MECOM: variants seen among roughly 807,000 people sequenced by gnomAD.
MECOM encodes histone-lysine N-methyltransferase MECOM.
Under a neutral mutation model 116.3 loss-of-function variants are expected in MECOM, and 13 were observed. The ratio of observed to expected loss-of-function variants is 0.11; its 90% CI spans 0.07 to 0.18. The LOEUF (loss-of-function observed/expected upper bound fraction) is 0.18. MECOM is among the 10% of genes least tolerant of loss of function. MECOM has a pLI of 1.00. For missense variants in MECOM, 1,299 were observed against 1,509.0 expected (o/e 0.86, Z 2.31); for synonymous variants, 528 against 535.2 (o/e 0.99, Z 0.19).
At chr3:169,659,813 C>CA (rs1304989052) in intron 1 of MECOM, among the ~76,000 whole-genome samples, 1 of 151,932 alleles carries the variant, frequency 6.6e-6, no homozygotes, top group Non-Finnish European at 1.5e-5. Context: ...ACTGGGCTGA[C>CA]AAGGTGAGTA....
intron 3 of MECOM, among the ~76,000 whole-genome samples, chr3:169,133,090 A>G (rs1735281666): frequency 6.8e-6 from 1 of 147,316 alleles, no homozygotes; most frequent in Non-Finnish European, 1.5e-5. Context: ...TCCAGATTCT[A>G]AATATCTGAG....
intron 16 of MECOM, among the ~76,000 whole-genome samples, chr3:169,086,048 G>C (rs1016369815): frequency 6.6e-6 from 1 of 152,164 alleles, no homozygotes; most frequent in South Asian, 2.1e-4. Context: ...ATCTCTGGGA[G>C]TCATGCTGAG....
At chr3:169,274,072 C>A (rs1331770851) in intron 2 of MECOM, among the ~76,000 whole-genome samples, 1 of 151,960 alleles carries the variant, frequency 6.6e-6, no homozygotes, top group Non-Finnish European at 1.5e-5. Flanking sequence ...CCACCACGCC[C>A]AGCTAATTTT....
intron 1 of MECOM, among the ~76,000 whole-genome samples, chr3:169,590,906 A>T (rs771181638): frequency 6.6e-6 from 1 of 152,254 alleles, no homozygotes; most frequent in Non-Finnish European, 1.5e-5. Context: ...CTACCAGCAC[A>T]GCATAATGCA....
chr3:169,575,168 A>G (rs906922307), intron 1 of MECOM, among the ~76,000 whole-genome samples: 2 of 152,232 alleles, frequency 1.3e-5, no homozygotes, highest in African/African-American at 4.8e-5. Flanking sequence ...ACCTTCAAAC[A>G]TAAAAAGCAT....
chr3:169,092,498 T>C (rs1720058989), intron 14 of MECOM, among the ~76,000 whole-genome samples: 1 of 152,070 alleles, frequency 6.6e-6, no homozygotes, highest in Non-Finnish European at 1.5e-5. Flanking sequence ...CTGTAATATA[T>C]ATAATTTATG....
At chr3:169,562,286 GA>G (rs761498773) in intron 1 of MECOM, among the ~76,000 whole-genome samples, 2 of 151,478 alleles carry the variant, frequency 1.3e-5, no homozygotes, top group Non-Finnish European at 2.9e-5. Flanking sequence ...AAAATAAACA[GA>G]GTGCTCTCAA....
intron 1 of MECOM, among the ~76,000 whole-genome samples, chr3:169,628,860 G>C (rs1771719878): frequency 1.3e-5 from 2 of 152,146 alleles, no homozygotes. Context: ...AGATTAGAAA[G>C]TCAGCTATTG....
At chr3:169,300,956 A>G (rs1050265341) in intron 2 of MECOM, among the ~76,000 whole-genome samples, 2 of 152,228 alleles carry the variant, frequency 1.3e-5, no homozygotes, top group Non-Finnish European at 2.9e-5. Context: ...AAACTAAGAC[A>G]TGAACTTTTA....
chr3:169,166,931 A>AT (rs1278938152), intron 2 of MECOM, among the ~76,000 whole-genome samples: 7 of 152,092 alleles, frequency 4.6e-5, no homozygotes, highest in Admixed American at 4.6e-4. Flanking sequence ...GGTTCTTTAT[A>AT]AATTATTGTA....
intron 2 of MECOM, among the ~76,000 whole-genome samples, chr3:169,208,612 A>G (rs953144466): frequency 6.6e-6 from 1 of 152,010 alleles, no homozygotes; most frequent in Non-Finnish European, 1.5e-5. Context: ...TAAAGTAAGG[A>G]TCAAAATATC....
chr3:169,587,970 T>C lies in MECOM; in HGVS notation c.37+75366A>G, dbSNP rs567304599. On this transcript the variant is annotated intron_variant, in intron 1 of 16. Coordinates refer to ENST00000651503, the MANE Select transcript of MECOM (RefSeq NM_004991.4). ...TAGCCAGAAATATGCATAAACTCCATACAGTTCCAAATTAATTTGTTAATT... is the reference window on the plus strand; with the variant it reads ...TAGCCAGAAATATGCATAAACTCCACACAGTTCCAAATTAATTTGTTAATT... Among the ~76,000 whole-genome samples the C allele has an allele frequency of 1.7e-3, 262 of 152,292 alleles. 4 individuals are homozygous for C. The highest frequency in any genetic ancestry group is 0.017 in the Middle Eastern group (5 of 294).
chr3:169,107,776 T>C, intron 10 of MECOM, 150 bp downstream of exon 10: 2 of 582,036 alleles, frequency 3.4e-6, no homozygotes, highest in Middle Eastern at 4.6e-4. Context: ...AGAATGCAGC[T>C]TGAGAAAGCA....
intron 2 of MECOM, among the ~76,000 whole-genome samples, chr3:169,200,032 C>A (rs1321989594): frequency 6.6e-6 from 1 of 152,000 alleles, no homozygotes; most frequent in Non-Finnish European, 1.5e-5. Context: ...CTGTTTTAGG[C>A]AATGCAAAGA....
At chr3:169,223,742 T>C (rs1752399860) in intron 2 of MECOM, among the ~76,000 whole-genome samples, 1 of 152,172 alleles carries the variant, frequency 6.6e-6, no homozygotes, top group Non-Finnish European at 1.5e-5. Context: ...TACTACAATA[T>C]CCAACCACTT....
Position 169,102,197 on chromosome 3 carries a change from C to G in MECOM, c.2634G>C (p.Lys878Asn). Reference sequence around the variant, plus strand: ...GTTTCAGGGCACTGAAGCTCTCTAGCTTTTCTGCCATGTTTTCAATAGCTG... The same window carrying G: ...GTTTCAGGGCACTGAAGCTCTCTAGGTTTTCTGCCATGTTTTCAATAGCTG... ...WMSAIENMAE[K>N]LESFSALKPE... Residue 878 changes from lysine to asparagine, a missense_variant, in exon 11 of 17, where the codon AAG becomes AAC. Lys to Asn is a moderately conservative substitution (Grantham distance 94, BLOSUM62 0). Around this residue, in one of 6 missense-constraint regions of MECOM, gnomAD observed 340 missense variants for 312.6 expected, o/e 1.09. Coordinates refer to ENST00000651503, the MANE Select transcript of MECOM (RefSeq NM_004991.4). The G allele has an allele frequency of 6.2e-7, 1 of 1,613,522 alleles. No individual in the cohort carries two copies. The highest frequency in any genetic ancestry group is 8.5e-7 in the Non-Finnish European group (1 of 1,179,658).
intron 1 of MECOM, among the ~76,000 whole-genome samples, chr3:169,383,609 C>A (rs1453424768): frequency 6.6e-6 from 1 of 152,188 alleles, no homozygotes; most frequent in Non-Finnish European, 1.5e-5. Context: ...AAATGGGTCT[C>A]AACCTCCAGC....
At chr3:169,290,770 G>A (rs141210669) in intron 2 of MECOM, among the ~76,000 whole-genome samples, 2 of 152,204 alleles carry the variant, frequency 1.3e-5, no homozygotes, top group East Asian at 3.9e-4. Context: ...CTTTGATAAT[G>A]GCAAAAAATC....
At chr3:169,601,779 G>T (rs1457630259) in intron 1 of MECOM, among the ~76,000 whole-genome samples, 5 of 152,084 alleles carry the variant, frequency 3.3e-5, no homozygotes, top group Non-Finnish European at 5.9e-5. Context: ...AAAGACACAA[G>T]TAACACTGAT....
Sources: gnomAD v4.1 joint callset for allele counts (sites outside exome capture counted in the v4.1 genomes callset) on GRCh38, gnomAD v4.1.1 for gene constraint, gnomAD v4.1.1 regional missense constraint, MANE v1.5 for transcripts, NCBI Gene and HGNC (gene_info 2026-07-23, HGNC 2026-07-21) for gene names.